Variants in CCDC66 observed in about 807,000 individuals in gnomAD.
The protein encoded by CCDC66 is coiled-coil domain containing 66, also known as coiled-coil domain-containing protein 66.
A neutral mutation model predicts 128.3 loss-of-function variants in CCDC66; 133 were observed. That is an observed-to-expected ratio of 1.04 (90% confidence interval 0.90 to 1.20). CCDC66 has a LOEUF of 1.20. Among genes scored for constraint, CCDC66 ranks in the 50% most tolerant of loss-of-function variants. The pLI is 0.00. For missense variants in CCDC66, 1,126 were observed against 1,075.5 expected (o/e 1.05, Z -0.66); for synonymous variants, 387 against 357.0 (o/e 1.08, Z -0.95).
At position 56,561,230 on chromosome 3, in the gene CCDC66, GTAA is replaced by G. The variant is rs201540057; in HGVS notation, c.102+1638_102+1640del. 1,836 of 456,472 alleles carry G rather than the reference GTAA, an allele frequency of 4.0e-3. 31 individuals are homozygous for G. Among genetic ancestry groups the G allele is most frequent in the African/African-American group, 0.032 (1,594 of 50,202 alleles). 28.3% of individuals were successfully genotyped at this position (456,472 alleles called of 1,614,324 possible). A position where few individuals can be genotyped will look rare whatever the true frequency, so the allele number is the denominator to read the frequency against. On this transcript the variant is annotated intron_variant, in intron 3 of 17. Transcript: ENST00000394672. ...CAAGTTCCTAGATGAAAAGCTGTTTGTAATGGTTGATTTTTATCTTCTCCAGGC... is the reference window on the plus strand; with the variant it reads ...CAAGTTCCTAGATGAAAAGCTGTTTGTGGTTGATTTTTATCTTCTCCAGGC...
chr3:56,621,683 C>A lies in CCDC66; in HGVS notation c.*65C>A. The A allele has an allele frequency of 8.9e-7, 1 of 1,117,852 alleles. No homozygotes were observed. The highest frequency in any genetic ancestry group is 1.3e-6 in the Non-Finnish European group (1 of 764,384). 69.2% of individuals were successfully genotyped at this position (1,117,852 alleles called of 1,614,324 possible). A position where few individuals can be genotyped will look rare whatever the true frequency, so the allele number is the denominator to read the frequency against. ...CCAAATTATAAAATGTGCTCACTGGCTCAACTGTATTTTTCAAATAGCCTA... is the reference window on the plus strand; with the variant it reads ...CCAAATTATAAAATGTGCTCACTGGATCAACTGTATTTTTCAAATAGCCTA... On this transcript the variant is annotated 3_prime_UTR_variant, in exon 18 of 18. Transcript: ENST00000394672.
chr3:56,604,977 C>T (rs1359401010), intron 10 of CCDC66, among the ~76,000 whole-genome samples: 2 of 151,812 alleles, frequency 1.3e-5, no homozygotes, highest in Non-Finnish European at 2.9e-5. Context: ...CTTTTTCATT[C>T]TTTTTTTTCT....
chr3:56,582,497 C>T lies in CCDC66; in HGVS notation c.937-10473C>T, dbSNP rs142872880. Among the ~76,000 whole-genome samples, 10 of 151,992 alleles carry T rather than the reference C, an allele frequency of 6.6e-5. No individual in the cohort carries two copies. The East Asian group carries it at 1.8e-3, about 27-fold the overall frequency. ...CATTGCTCACGCTGGAAGCTGCAGA[C>T]TGGAGCTGTTGCTATTTGGCCATCT... On this transcript the variant is annotated intron_variant, in intron 7 of 17. Coordinates refer to ENST00000394672, the MANE Select transcript of CCDC66 (RefSeq NM_001141947.3).
Position 56,604,977 on chromosome 3 carries a change from C to CT in CCDC66, c.1405-8604dup, listed in dbSNP as rs201597757. On this transcript the variant is annotated intron_variant, in intron 10 of 17. Coordinates refer to ENST00000394672, the MANE Select transcript of CCDC66 (RefSeq NM_001141947.3). ...GAGGCTGTGTTTGTTCTTTTTCATT[C>CT]TTTTTTTTCTAATCTTGTCTTTTTG... Among the ~76,000 whole-genome samples the CT allele has an allele frequency of 3.0e-3, 461 of 151,926 alleles. 6 individuals are homozygous for CT. Among genetic ancestry groups the CT allele is most frequent in the African/African-American group, 0.011 (438 of 41,354 alleles).
At chr3:56,593,840 T>G (rs1431112288) in intron 9 of CCDC66, 99 bp downstream of exon 9, 1 of 1,580,786 alleles carries the variant, frequency 6.3e-7, no homozygotes, top group East Asian at 2.2e-5. Flanking sequence ...GGTATTTGTC[T>G]TTGAAATAGA....
intron 1 of CCDC66, chr3:56,557,616 G>A: frequency 3.6e-6 from 1 of 274,692 alleles, no homozygotes. Flanking sequence ...CCCATGCCCC[G>A]GGTTCTTCGC....
At chr3:56,603,964 G>A (rs1404323203) in intron 10 of CCDC66, among the ~76,000 whole-genome samples, 1 of 152,062 alleles carries the variant, frequency 6.6e-6, no homozygotes, top group Non-Finnish European at 1.5e-5. Flanking sequence ...ATGAATCTGG[G>A]TGCTTCTGTT....
chr3:56,603,155 C>A (rs1037628038), intron 10 of CCDC66, among the ~76,000 whole-genome samples: 3 of 151,710 alleles, frequency 2.0e-5, no homozygotes, highest in Non-Finnish European at 4.4e-5. Flanking sequence ...TTTTTTATTG[C>A]GTCTGTTTGA....
At chr3:56,581,411 A>G (rs975997769) in intron 7 of CCDC66, among the ~76,000 whole-genome samples, 1 of 151,810 alleles carries the variant, frequency 6.6e-6, no homozygotes, top group Non-Finnish European at 1.5e-5. Flanking sequence ...TTCTTCTCTC[A>G]ACTCATCAAA....
chr3:56,587,898 A>G (rs1270920017), intron 7 of CCDC66, among the ~76,000 whole-genome samples: 1 of 152,162 alleles, frequency 6.6e-6, no homozygotes, highest in East Asian at 1.9e-4. Context: ...TAAAAAAAGA[A>G]CCAAAAGTAG....
chr3:56,561,153 T>G, intron 3 of CCDC66: 1 of 449,770 alleles, frequency 2.2e-6, no homozygotes, highest in Admixed American at 2.4e-5. Flanking sequence ...TATTAAAAAT[T>G]GCAACTAACT....
intron 10 of CCDC66, among the ~76,000 whole-genome samples, chr3:56,603,186 A>G (rs184072304): frequency 6.6e-6 from 1 of 151,464 alleles, no homozygotes; most frequent in Admixed American, 6.6e-5. Flanking sequence ...TTTTCTTCTT[A>G]TTAGTCTGGC....
At chr3:56,562,065 A>G (rs951747556) in intron 3 of CCDC66, among the ~76,000 whole-genome samples, 9 of 150,462 alleles carry the variant, frequency 6.0e-5, no homozygotes, top group Non-Finnish European at 1.2e-4. Flanking sequence ...TTTTTGAGGC[A>G]GGCTCTCTCT....
At chr3:56,567,294 G>A (rs559722681) in intron 6 of CCDC66, among the ~76,000 whole-genome samples, 2 of 152,276 alleles carry the variant, frequency 1.3e-5, no homozygotes, top group East Asian at 1.9e-4. Context: ...GGAGGCTGAG[G>A]CAGGAGAATT....
Position 56,594,040 on chromosome 3 carries a change from T to A in CCDC66, c.1404+12T>A, listed in dbSNP as rs12489020. On this transcript the variant is annotated intron_variant, in intron 10 of 17. Transcript: ENST00000394672. ...AATTAGAGCATCAGGTATTGCATTG[T>A]TAAACATTGTTCTTTACCTTAATAA... The A allele has an allele frequency of 2.5e-6, 4 of 1,604,392 alleles. No individual in the cohort carries two copies. The African/African-American group carries it at 5.3e-5, about 21-fold the overall frequency.
At chr3:56,579,058 T>C (rs2067878597) in intron 7 of CCDC66, among the ~76,000 whole-genome samples, 1 of 151,884 alleles carries the variant, frequency 6.6e-6, no homozygotes, top group African/African-American at 2.4e-5. Flanking sequence ...TTTTGGTTGG[T>C]AGGCTATTAA....
At chr3:56,567,766 C>T (rs78399921) in intron 6 of CCDC66, among the ~76,000 whole-genome samples, 5,077 of 150,558 alleles carry the variant, frequency 0.034, 112 homozygotes, top group Middle Eastern at 0.079. Context: ...GATCTCGGCT[C>T]ACTGCAAGCT....
intron 4 of CCDC66, 109 bp downstream of exon 4, chr3:56,564,234 C>T: frequency 1.3e-6 from 1 of 748,684 alleles, no homozygotes; most frequent in Non-Finnish European, 2.1e-6. Flanking sequence ...CTAATTTAAC[C>T]TGTCAATCTA....
Position 56,557,201 on chromosome 3 carries a change from A to G in CCDC66, c.-42A>G, listed in dbSNP as rs988836282. On this transcript the variant is annotated 5_prime_UTR_variant, in exon 1 of 18. Transcript: ENST00000394672. The stretch of plus-strand genomic sequence containing the variant: ...AGCGGCGGCGGCAACCGACGTACAC[A>G]AGGGGCTTGAGCGTTCTGTGGAGAG... 12 of 1,551,088 alleles carry G rather than the reference A, an allele frequency of 7.7e-6. No individual in the cohort carries two copies. In the Admixed American group the frequency reaches 9.8e-5, roughly 13 times the overall value.
Sources: allele counts gnomAD v4.1 joint callset (sites outside exome capture counted in the v4.1 genomes callset), GRCh38; gene constraint gnomAD v4.1.1; transcripts MANE v1.5; gene names NCBI Gene and HGNC (gene_info 2026-07-23, HGNC 2026-07-21).